LUZP2: variants seen among roughly 807,000 people sequenced by gnomAD.
LUZP2 encodes the protein leucine zipper protein 2.
LUZP2 carries 52 observed loss-of-function variants against 51.6 expected under a neutral mutation model. The observed-to-expected ratio is 1.01, with a 90% CI of 0.81 to 1.27. LUZP2 has a LOEUF of 1.27. LUZP2 is among the 50% of genes most tolerant of loss of function. The pLI is 0.00. For synonymous variants in LUZP2, 154 were observed against 137.3 expected (o/e 1.12, Z -0.85); for missense variants, 436 against 395.4 (o/e 1.10, Z -0.87).
At chr11:24,589,936 G>GA (rs35419149) in intron 1 of LUZP2, among the ~76,000 whole-genome samples, 148,548 of 152,160 alleles carry the variant, frequency 0.98, 72,595 homozygotes, top group South Asian at 1. Flanking sequence ...ATTGGGGTTT[G>GA]AAAAAACAGT....
chr11:24,661,874 A>G (rs992436574), intron 1 of LUZP2, among the ~76,000 whole-genome samples: 2 of 152,180 alleles, frequency 1.3e-5, no homozygotes, highest in African/African-American at 4.8e-5. Context: ...CTTGAGAGAA[A>G]GAGTAATGCC....
intron 9 of LUZP2, among the ~76,000 whole-genome samples, chr11:25,018,546 T>C (rs143605598): frequency 3.9e-4 from 59 of 152,208 alleles, no homozygotes; most frequent in Admixed American, 1.3e-3. Flanking sequence ...CATGGACTTA[T>C]AGTTACTTTT....
intron 1 of LUZP2, among the ~76,000 whole-genome samples, chr11:24,698,867 G>A (rs1857331783): frequency 6.6e-6 from 1 of 151,918 alleles, no homozygotes; most frequent in Non-Finnish European, 1.5e-5. Flanking sequence ...ACCAGCCTGG[G>A]CAACAACTGG....
At chr11:24,764,801 G>A (rs1427182119) in intron 5 of LUZP2, among the ~76,000 whole-genome samples, 1 of 152,162 alleles carries the variant, frequency 6.6e-6, no homozygotes, top group Non-Finnish European at 1.5e-5. Flanking sequence ...GTCAGCCTAA[G>A]CAACATAATG....
At chr11:24,888,739 T>A (rs928245133) in intron 5 of LUZP2, among the ~76,000 whole-genome samples, 2 of 152,152 alleles carry the variant, frequency 1.3e-5, no homozygotes, top group Non-Finnish European at 2.9e-5. Flanking sequence ...AATCTCCATG[T>A]GTCAAGGGAG....
chr11:24,882,854 A>G lies in LUZP2; in HGVS notation c.397-23137A>G, dbSNP rs116599231. On this transcript the variant is annotated intron_variant, in intron 5 of 11. Coordinates refer to ENST00000336930, the MANE Select transcript of LUZP2 (RefSeq NM_001009909.4). Reference sequence around the variant, plus strand: ...AATGAGAAGGGAGAGAGAGAAACAAAGATAAAAGGAAGAAAGAAAATAAAG... The same window carrying G: ...AATGAGAAGGGAGAGAGAGAAACAAGGATAAAAGGAAGAAAGAAAATAAAG... Among the ~76,000 whole-genome samples, 205 of 148,736 alleles carry G rather than the reference A, an allele frequency of 1.4e-3. 2 individuals carry two copies. The highest frequency in any genetic ancestry group is 0.012 in the South Asian group (56 of 4,644).
intron 1 of LUZP2, among the ~76,000 whole-genome samples, chr11:24,668,233 G>A (rs1253035657): frequency 6.6e-6 from 1 of 152,104 alleles, no homozygotes; most frequent in Non-Finnish European, 1.5e-5. Flanking sequence ...TGGAATCTTT[G>A]TTTGGAAATA....
At chr11:25,003,116 A>G (rs1856737245) in intron 9 of LUZP2, among the ~76,000 whole-genome samples, 1 of 152,142 alleles carries the variant, frequency 6.6e-6, no homozygotes. Flanking sequence ...CACCTTGTAC[A>G]CTTGATTAGC....
At chr11:24,835,410 A>G (rs1042297922) in intron 5 of LUZP2, among the ~76,000 whole-genome samples, 3 of 152,210 alleles carry the variant, frequency 2.0e-5, no homozygotes, top group African/African-American at 4.8e-5. Context: ...CAAAGACTTC[A>G]TGACTAAAAC....
At chr11:24,955,498 A>C (rs1302357773) in intron 7 of LUZP2, among the ~76,000 whole-genome samples, 1 of 152,068 alleles carries the variant, frequency 6.6e-6, no homozygotes, top group Non-Finnish European at 1.5e-5. Flanking sequence ...ATGTAATAAA[A>C]ATTACATGGA....
chr11:24,799,712 C>A (rs958700378), intron 5 of LUZP2, among the ~76,000 whole-genome samples: 4 of 152,094 alleles, frequency 2.6e-5, no homozygotes, highest in African/African-American at 9.7e-5. Context: ...TAAGTTTCCT[C>A]ATCCAAAAAA....
chr11:24,957,470 T>C (rs1262208000), intron 7 of LUZP2, among the ~76,000 whole-genome samples: 1 of 152,096 alleles, frequency 6.6e-6, no homozygotes, highest in Admixed American at 6.6e-5. Context: ...CATATTCCAA[T>C]TGAGGCTTTG....
At chr11:25,042,783 C>T (rs1181247702) in intron 9 of LUZP2, among the ~76,000 whole-genome samples, 1 of 152,062 alleles carries the variant, frequency 6.6e-6, no homozygotes, top group Non-Finnish European at 1.5e-5. Context: ...CCTTCTATTC[C>T]ATGTTTCTGT....
chr11:24,639,226 T>C (rs7104972), intron 1 of LUZP2, among the ~76,000 whole-genome samples: 34,814 of 151,602 alleles, frequency 0.23, 4,706 homozygotes, highest in African/African-American at 0.34. Context: ...ATTTTGCATT[T>C]TACATTTTCA....
intron 1 of LUZP2, among the ~76,000 whole-genome samples, chr11:24,499,266 A>G (rs2133744085): frequency 6.6e-6 from 1 of 152,348 alleles, no homozygotes; most frequent in Non-Finnish European, 1.5e-5. Flanking sequence ...ATTACTCTGT[A>G]GGAATTCATT....
chr11:24,660,375 A>G (rs138195045), intron 1 of LUZP2, among the ~76,000 whole-genome samples: 212 of 152,332 alleles, frequency 1.4e-3, no homozygotes, highest in African/African-American at 5.0e-3. Flanking sequence ...TATCTGCTAC[A>G]ACTATAATGT....
At chr11:24,542,582 G>T (rs1851405762) in intron 1 of LUZP2, among the ~76,000 whole-genome samples, 1 of 151,924 alleles carries the variant, frequency 6.6e-6, no homozygotes, top group African/African-American at 2.4e-5. Flanking sequence ...AGGGACAGTG[G>T]GGTAGATCTT....
At chr11:24,935,299 T>C (rs772165094) in intron 7 of LUZP2, among the ~76,000 whole-genome samples, 1 of 152,180 alleles carries the variant, frequency 6.6e-6, no homozygotes, top group South Asian at 2.1e-4. Context: ...TGAACAGTGA[T>C]GCAATCATGA....
chr11:24,845,437 G>A (rs529404305), intron 5 of LUZP2, among the ~76,000 whole-genome samples: 6 of 152,264 alleles, frequency 3.9e-5, no homozygotes, highest in Admixed American at 1.3e-4. Context: ...ACTTTGGACT[G>A]TAGACTTTTC....
Sources: gnomAD v4.1 joint callset for allele counts (sites outside exome capture counted in the v4.1 genomes callset) on GRCh38, gnomAD v4.1.1 for gene constraint, MANE v1.5 for transcripts, NCBI Gene and HGNC (gene_info 2026-07-23, HGNC 2026-07-21) for gene names.